PDXDC1: variants seen among roughly 807,000 people sequenced by gnomAD.
PDXDC1 encodes pyridoxal dependent decarboxylase domain containing 1.
A neutral mutation model predicts 100.1 loss-of-function variants in PDXDC1; 42 were observed. That is an observed-to-expected ratio of 0.42 (90% CI 0.33 to 0.54). The LOEUF (loss-of-function observed/expected upper bound fraction) is 0.54. Among genes scored for constraint, PDXDC1 ranks in the 20% least tolerant of loss-of-function variants. The pLI is 0.10. For synonymous variants in PDXDC1, 260 were observed against 371.7 expected (o/e 0.70, Z 3.46); for missense variants, 636 against 979.2 (o/e 0.65, Z 4.68).
At chr16:15,125,443 A>C in intron 16 of PDXDC1, 1 of 866,908 alleles carries the variant, frequency 1.2e-6, no homozygotes, top group South Asian at 1.3e-5. Context: ...ACGTGGTGTG[A>C]CCACATGGAG....
At chr16:14,984,532 C>T (rs1243693410) in intron 1 of PDXDC1, among the ~76,000 whole-genome samples, 1 of 142,976 alleles carries the variant, frequency 7.0e-6, no homozygotes, top group African/African-American at 2.6e-5. Flanking sequence ...GACTCTCACC[C>T]TGTCGCCCAG....
intron 21 of PDXDC1, 94 bp from the exon 22 acceptor site, chr16:15,035,355 A>G: frequency 1.7e-6 from 1 of 595,122 alleles, no homozygotes. Flanking sequence ...GGCTGGAAGG[A>G]GGTTATTGGG....
intron 16 of PDXDC1, chr16:15,060,626 T>C (rs1228695230): frequency 6.6e-6 from 1 of 152,538 alleles, no homozygotes; most frequent in Non-Finnish European, 1.5e-5. Flanking sequence ...ACTCTAGCAG[T>C]GTTTGCACAA....
chr16:14,979,382 C>T (rs1192878264), intron 1 of PDXDC1, among the ~76,000 whole-genome samples: 7 of 152,274 alleles, frequency 4.6e-5, no homozygotes, highest in East Asian at 3.8e-4. Flanking sequence ...CTCTGCTTTC[C>T]GGGTTCAAGC....
intron 16 of PDXDC1, chr16:15,068,200 A>C (rs757649459): frequency 1.9e-5 from 31 of 1,597,064 alleles, no homozygotes; most frequent in African/African-American, 6.8e-5. Context: ...TTAACCACTG[A>C]GGGCAGGCAA....
chr16:15,142,100 C>G (rs531875506), downstream of PDXDC1, among the ~76,000 whole-genome samples: 2 of 152,080 alleles, frequency 1.3e-5, no homozygotes, highest in Non-Finnish European at 2.9e-5. Flanking sequence ...ACCCAGGCCA[C>G]GGGAGAAAGG....
At chr16:15,095,592 C>T (rs1475803654) in intron 16 of PDXDC1, among the ~76,000 whole-genome samples, 1 of 152,092 alleles carries the variant, frequency 6.6e-6, no homozygotes, top group Non-Finnish European at 1.5e-5. Context: ...TGGCTCACGC[C>T]TGTTATCCCA....
Position 15,136,140 on chromosome 16 carries a change from G to C in PDXDC1, c.1400-2739G>C, listed in dbSNP as rs548438978. 277 of 1,437,676 alleles carry C rather than the reference G, an allele frequency of 1.9e-4. 1 individual carries two copies. Among genetic ancestry groups the C allele is most frequent in the Admixed American group, 5.5e-4 (30 of 55,016 alleles). The allele number at this position is 1,437,676 out of a possible 1,614,324, so 89.1% of individuals were successfully genotyped here. Reference sequence around the variant, plus strand: ...TCCACACGTCTAGGCTCCTGGGGGCGGGTGTGGGATGCCAGGGGGCTCAGG... The same window carrying C: ...TCCACACGTCTAGGCTCCTGGGGGCCGGTGTGGGATGCCAGGGGGCTCAGG... On this transcript the variant is annotated intron_variant, in intron 16 of 16. Transcript: ENST00000535621.
At chr16:15,080,116 A>C (rs766189581) in intron 16 of PDXDC1, 19 of 1,586,848 alleles carry the variant, frequency 1.2e-5, no homozygotes, top group Non-Finnish European at 1.5e-5. Flanking sequence ...AAAATGTAAG[A>C]TAAAACATTT....
intron 16 of PDXDC1, chr16:15,086,550 T>G (rs2941270): frequency 6.5e-7 from 1 of 1,545,914 alleles, no homozygotes; most frequent in South Asian, 1.2e-5. Flanking sequence ...AAGAATAGGT[T>G]GGGGGGAAAA....
At chr16:15,149,747 G>C in the PDXDC1 span, among the ~76,000 whole-genome samples, 1 of 152,100 alleles carries the variant, frequency 6.6e-6, no homozygotes, top group African/African-American at 2.4e-5. Flanking sequence ...GACAGCAGCA[G>C]ACCCAGGTGA....
intron 16 of PDXDC1, among the ~76,000 whole-genome samples, chr16:15,063,649 G>T (rs185391206): frequency 1.4e-5 from 2 of 142,830 alleles, no homozygotes; most frequent in African/African-American, 5.1e-5. Context: ...AGCTTGCAGC[G>T]AGCCGAGATC....
chr16:14,977,204 G>A (rs1486392809), intron 1 of PDXDC1, among the ~76,000 whole-genome samples: 1 of 152,054 alleles, frequency 6.6e-6, no homozygotes, highest in Non-Finnish European at 1.5e-5. Context: ...CGTGTGGGCT[G>A]GAGGTTTCTG....
At chr16:15,094,008 T>G in intron 16 of PDXDC1, 1 of 749,532 alleles carries the variant, frequency 1.3e-6, no homozygotes, top group Non-Finnish European at 2.3e-6. Context: ...CTCATTTCTG[T>G]GAACGTGAGA....
At chr16:15,030,829 C>T (rs920498665) in intron 16 of PDXDC1, among the ~76,000 whole-genome samples, 4 of 152,112 alleles carry the variant, frequency 2.6e-5, no homozygotes, top group East Asian at 2.0e-4. Flanking sequence ...TTGTGACTCT[C>T]GATTTTCCAC....
chr16:15,007,465 C>T (rs1282298406), intron 6 of PDXDC1, among the ~76,000 whole-genome samples: 16 of 152,268 alleles, frequency 1.1e-4, no homozygotes, highest in South Asian at 4.1e-4. Flanking sequence ...TGAGCCACTG[C>T]GCCCAGCCGA....
intron 16 of PDXDC1, among the ~76,000 whole-genome samples, chr16:15,124,459 C>T (rs1297913197): frequency 6.6e-6 from 1 of 152,020 alleles, no homozygotes; most frequent in African/African-American, 2.4e-5. Context: ...AGAAAAACAA[C>T]CCTAAGAAAC....
chr16:15,076,671 A>G, intron 16 of PDXDC1: 1 of 1,482,272 alleles, frequency 6.7e-7, no homozygotes, highest in Non-Finnish European at 9.4e-7. Context: ...GGGAGAAAAA[A>G]AAAGAATAAA....
At chr16:15,043,774 C>A (rs2151701264) in intron 16 of PDXDC1, among the ~76,000 whole-genome samples, 1 of 152,090 alleles carries the variant, frequency 6.6e-6, no homozygotes, top group African/African-American at 2.4e-5. Flanking sequence ...ATGGTGAAAC[C>A]CCATTTCTAC....
Sources: allele counts gnomAD v4.1 joint callset (sites outside exome capture counted in the v4.1 genomes callset), GRCh38; gene constraint gnomAD v4.1.1; transcripts MANE v1.5; gene names NCBI Gene and HGNC (gene_info 2026-07-23, HGNC 2026-07-21).